Variants in RYR3 observed in about 807,000 individuals in gnomAD.
The protein encoded by RYR3 is brain ryanodine receptor-calcium release channel.
In RYR3, 207 loss-of-function variants were observed where a neutral mutation model predicts 584.3. The observed-to-expected ratio is 0.35, with a 90% CI of 0.32 to 0.40. RYR3 has a LOEUF of 0.40. Among genes scored for constraint, RYR3 ranks in the 10% least tolerant of loss-of-function variants. The pLI is 1.00. For missense variants in RYR3, 5,616 were observed against 6,089.2 expected, an observed-to-expected ratio of 0.92 and a Z score of 2.59; for synonymous variants, 2,416 against 2,248.5, an observed-to-expected ratio of 1.07 and a Z score of -2.11.
chr15:33,716,545 A>G (rs758888076), intron 43 of RYR3, among the ~76,000 whole-genome samples: 25 of 152,208 alleles, frequency 1.6e-4, no homozygotes, highest in Non-Finnish European at 3.4e-4. Flanking sequence ...AAATAAGCAG[A>G]CAGTCAAAAC....
intron 99 of RYR3, 151 bp from the exon 100 acceptor site, chr15:33,859,424 G>C (rs1254619061): frequency 1.7e-5 from 12 of 723,664 alleles, no homozygotes; most frequent in East Asian, 2.6e-5. Flanking sequence ...GTGGACAGCA[G>C]CTAGCAGCAT....
At chr15:33,345,615 C>T (rs1226085115) in intron 1 of RYR3, among the ~76,000 whole-genome samples, 1 of 152,154 alleles carries the variant, frequency 6.6e-6, no homozygotes, top group African/African-American at 2.4e-5. Context: ...TTGTACTCTG[C>T]CATGCAGAGT....
rs747455932 is a variant in RYR3, at chr15:33,473,336, C to A, written c.52-83C>A. The A allele has an allele frequency of 3.2e-6, 5 of 1,559,712 alleles. No individual in the cohort carries two copies. The South Asian group carries it at 3.3e-5, about 10-fold the overall frequency. ...GTGGCTGTCAGGGATTGGTGGCTTA[C>A]CTGACTCAGGTACAGGAAGGTGACT... On this transcript the variant is annotated intron_variant, in intron 1 of 103. Transcript: ENST00000634891.
intron 37 of RYR3, among the ~76,000 whole-genome samples, 179 bp from the exon 38 acceptor site, chr15:33,670,239 AT>A (rs34219516): frequency 0.78 from 118,739 of 151,596 alleles, 48,489 homozygotes; most frequent in East Asian, 0.92. Flanking sequence ...GGAAATCAAT[AT>A]TTTTTTTTTC....
At chr15:33,514,075 C>A (rs1306180225) in intron 3 of RYR3, among the ~76,000 whole-genome samples, 2 of 152,256 alleles carry the variant, frequency 1.3e-5, no homozygotes, top group African/African-American at 4.8e-5. Flanking sequence ...AAAAAATGTT[C>A]TTACTGAAAC....
chr15:33,506,061 T>C (rs915007894), intron 3 of RYR3, among the ~76,000 whole-genome samples: 1 of 152,226 alleles, frequency 6.6e-6, no homozygotes, highest in East Asian at 1.9e-4. Flanking sequence ...CTTGAGTGGT[T>C]CAGAGTCCTA....
At chr15:33,377,154 G>A (rs1015052223) in intron 1 of RYR3, among the ~76,000 whole-genome samples, 3 of 152,214 alleles carry the variant, frequency 2.0e-5, no homozygotes, top group African/African-American at 7.2e-5. Context: ...AGTAAATTGG[G>A]TATTATAGGC....
intron 74 of RYR3, chr15:33,815,385 T>C (rs1445746071): frequency 6.5e-6 from 1 of 152,822 alleles, no homozygotes; most frequent in Non-Finnish European, 1.5e-5. Flanking sequence ...TGTGCTGAGT[T>C]GGCCTTCGAA....
intron 47 of RYR3, 45 bp from the exon 48 acceptor site, chr15:33,731,429 T>C: frequency 7.0e-7 from 1 of 1,436,362 alleles, no homozygotes; most frequent in Non-Finnish European, 9.6e-7. Context: ...AGCTTTGCTC[T>C]GTTCCTCAGG....
chr15:33,391,914 A>G (rs1417456158), intron 1 of RYR3, among the ~76,000 whole-genome samples: 1 of 152,056 alleles, frequency 6.6e-6, no homozygotes, highest in Non-Finnish European at 1.5e-5. Context: ...TGCCTGGGAC[A>G]ATATTCCACC....
chr15:33,580,270 T>C (rs972182392), intron 13 of RYR3, 126 bp downstream of exon 13: 1 of 809,206 alleles, frequency 1.2e-6, no homozygotes, highest in African/African-American at 1.7e-5. Context: ...CAAGAGAGAT[T>C]TGGAAGCTGG....
intron 1 of RYR3, among the ~76,000 whole-genome samples, chr15:33,395,253 G>A (rs570634971): frequency 1.3e-5 from 2 of 152,206 alleles, no homozygotes; most frequent in Non-Finnish European, 2.9e-5. Flanking sequence ...CAAACATGGG[G>A]ACGTAGCTGG....
Position 33,837,920 on chromosome 15 carries a change from A to G in RYR3, c.11940A>G (p.Val3980=), listed in dbSNP as rs2078141967. The G allele has an allele frequency of 6.2e-7, 1 of 1,613,916 alleles. No homozygotes were observed. ...ACATGTTTAATTACGTTGATTTTGT[A>G]GACCGGTTCCATGAGCCAGCCAAGG... ...ENDMFNYVDF[V]DRFHEPAKDI... The change falls in exon 89 of 104, where the codon GTA becomes GTG. Residue 3980 remains valine, a synonymous_variant. Coordinates refer to ENST00000634891, the MANE Select transcript of RYR3 (RefSeq NM_001036.6).
chr15:33,509,738 C>T (rs1254958360), intron 3 of RYR3, among the ~76,000 whole-genome samples: 1 of 152,086 alleles, frequency 6.6e-6, no homozygotes, highest in African/African-American at 2.4e-5. Flanking sequence ...CCTGAATTTC[C>T]TTTGTATTCG....
At chr15:33,437,618 A>G (rs2045849401) in intron 1 of RYR3, among the ~76,000 whole-genome samples, 1 of 152,354 alleles carries the variant, frequency 6.6e-6, no homozygotes, top group East Asian at 1.9e-4. Flanking sequence ...CGGAGTTGGG[A>G]TAACTGTTGA....
At chr15:33,478,267 G>T (rs2049610613) in intron 2 of RYR3, among the ~76,000 whole-genome samples, 1 of 152,136 alleles carries the variant, frequency 6.6e-6, no homozygotes, top group African/African-American at 2.4e-5. Context: ...TAGCAATTCA[G>T]GGGCTGGCTT....
At chr15:33,471,086 T>A (rs904981200) in intron 1 of RYR3, among the ~76,000 whole-genome samples, 3 of 152,208 alleles carry the variant, frequency 2.0e-5, no homozygotes, top group Non-Finnish European at 4.4e-5. Flanking sequence ...AAGATTTCAG[T>A]GTCAGGCACT....
At chr15:33,695,322 A>G (rs781223300) in intron 38 of RYR3, among the ~76,000 whole-genome samples, 20 of 152,194 alleles carry the variant, frequency 1.3e-4, no homozygotes, top group Non-Finnish European at 2.5e-4. Flanking sequence ...TCCTATGCCA[A>G]TGCCAATCAG....
chr15:33,726,577 C>G, intron 46 of RYR3, 71 bp downstream of exon 46: 1 of 1,468,164 alleles, frequency 6.8e-7, no homozygotes, highest in Non-Finnish European at 9.0e-7. Context: ...GACTCTGTCC[C>G]CAGCACAGTG....
Sources: allele counts gnomAD v4.1 joint callset (sites outside exome capture counted in the v4.1 genomes callset), GRCh38; gene constraint gnomAD v4.1.1; transcripts MANE v1.5; gene names NCBI Gene and HGNC (gene_info 2026-07-23, HGNC 2026-07-21).